FAM13A: variants seen among roughly 807,000 people sequenced by gnomAD.
FAM13A encodes the protein protein FAM13A.
A neutral mutation model predicts 129.6 loss-of-function variants in FAM13A; 76 were observed. The observed-to-expected ratio is 0.59, with a 90% confidence interval of 0.49 to 0.71. The LOEUF (loss-of-function observed/expected upper bound fraction) is 0.71. Among genes scored for constraint, FAM13A ranks in the 30% least tolerant of loss-of-function variants. The probability of loss-of-function intolerance (pLI) is 0.00; values close to 1 mark genes in which losing one functional copy is unlikely to be tolerated. For synonymous variants in FAM13A, 443 were observed against 449.9 expected (o/e 0.98, Z 0.20); for missense variants, 1,108 against 1,249.3 (o/e 0.89, Z 1.70).
chr4:88,768,157 T>C, intron 11 of FAM13A, 98 bp from the exon 12 acceptor site: 5 of 624,136 alleles, frequency 8.0e-6, no homozygotes, highest in Non-Finnish European at 1.1e-5. Flanking sequence ...ATAATATGTA[T>C]ATATAAACTA....
intron 11 of FAM13A, among the ~76,000 whole-genome samples, chr4:88,771,558 T>G (rs952822175): frequency 1.3e-5 from 2 of 152,176 alleles, no homozygotes; most frequent in Non-Finnish European, 1.5e-5. Flanking sequence ...TTTTCATTGA[T>G]TAGAGGTTGA....
At chr4:88,907,842 A>C (rs1748415740) in intron 5 of FAM13A, among the ~76,000 whole-genome samples, 1 of 152,230 alleles carries the variant, frequency 6.6e-6, no homozygotes, top group Non-Finnish European at 1.5e-5. Flanking sequence ...AAGCCAAAAG[A>C]GTTTTGTAAA....
chr4:88,902,739 A>G (rs1243413620), intron 6 of FAM13A, among the ~76,000 whole-genome samples: 1 of 152,078 alleles, frequency 6.6e-6, no homozygotes, highest in Non-Finnish European at 1.5e-5. Flanking sequence ...ATTCAACATA[A>G]TATCAGAAGT....
chr4:88,813,393 G>A (rs1174984899), intron 7 of FAM13A, among the ~76,000 whole-genome samples: 1 of 152,136 alleles, frequency 6.6e-6, no homozygotes, highest in Admixed American at 6.5e-5. Flanking sequence ...GTAAAATACA[G>A]TAACGTTCTT....
At chr4:88,882,475 A>G (rs1282266503) in intron 6 of FAM13A, among the ~76,000 whole-genome samples, 3 of 152,104 alleles carry the variant, frequency 2.0e-5, no homozygotes, top group Non-Finnish European at 2.9e-5. Flanking sequence ...ATGCTGAGAT[A>G]ATTCACCACT....
intron 6 of FAM13A, among the ~76,000 whole-genome samples, chr4:88,892,058 AAGCTATT>A (rs1303664336): frequency 2.0e-5 from 3 of 152,024 alleles, no homozygotes; most frequent in Admixed American, 2.0e-4. Flanking sequence ...CTTGTAGTCT[AAGCTATT>A]CGGGAGTCTG....
At chr4:88,791,889 C>A (rs1465929626) in intron 8 of FAM13A, among the ~76,000 whole-genome samples, 2 of 152,072 alleles carry the variant, frequency 1.3e-5, no homozygotes, top group Non-Finnish European at 2.9e-5. Context: ...ACTACCACCA[C>A]CATCATGTCT....
intron 11 of FAM13A, among the ~76,000 whole-genome samples, chr4:88,777,342 G>T (rs59774315): frequency 0.084 from 12,820 of 152,202 alleles, 951 homozygotes; most frequent in East Asian, 0.31. Flanking sequence ...CTAGAGAAAT[G>T]TGGAAGTGAA....
At chr4:88,778,332 C>G (rs1722166921) in intron 11 of FAM13A, among the ~76,000 whole-genome samples, 3 of 152,160 alleles carry the variant, frequency 2.0e-5, no homozygotes, top group African/African-American at 7.2e-5. Flanking sequence ...CCTGGCTGCT[C>G]AGGACAAAAA....
intron 7 of FAM13A, among the ~76,000 whole-genome samples, chr4:88,844,373 A>C (rs1233871311): frequency 6.6e-6 from 1 of 152,180 alleles, no homozygotes; most frequent in African/African-American, 2.4e-5. Context: ...AATTCACCTA[A>C]CTCAATAAAT....
chr4:88,813,237 C>T (rs1325398085), intron 7 of FAM13A, among the ~76,000 whole-genome samples: 3 of 152,094 alleles, frequency 2.0e-5, no homozygotes, highest in African/African-American at 4.8e-5. Context: ...TTTCACTTCA[C>T]GCCAAACACA....
At chr4:89,023,749 A>G (rs1272427192) in intron 2 of FAM13A, among the ~76,000 whole-genome samples, 1 of 152,212 alleles carries the variant, frequency 6.6e-6, no homozygotes, top group Non-Finnish European at 1.5e-5. Context: ...TCAACTAGGG[A>G]AAGTTTATAA....
Position 88,728,440 on chromosome 4 carries a change from G to A in FAM13A, c.*93C>T. The stretch of plus-strand genomic sequence containing the variant: ...GCAGAAGGGCTGCATGCTTTGCAGG[G>A]CCAGCCCCAAGGCTGCCTTCCAGAG... On this transcript the variant is annotated 3_prime_UTR_variant, in exon 24 of 24. Coordinates refer to ENST00000264344, the MANE Select transcript of FAM13A (RefSeq NM_014883.4). 2 of 1,515,458 alleles carry A rather than the reference G, an allele frequency of 1.3e-6. No homozygotes were observed. The highest frequency in any genetic ancestry group is 9.1e-7 in the Non-Finnish European group (1 of 1,100,106). 93.9% of individuals were successfully genotyped at this position (1,515,458 alleles called of 1,614,324 possible).
intron 19 of FAM13A, among the ~76,000 whole-genome samples, chr4:88,746,222 A>G (rs903531065): frequency 6.6e-6 from 1 of 152,196 alleles, no homozygotes. Flanking sequence ...CTCTGACAAC[A>G]TTATGAACAA....
rs560699954 is a variant in FAM13A, at chr4:88,833,438, AT to A, written c.1007+17581del. ...TTCTGCCTTATTTTGTTCATTAAAC[AT>A]TTTCTTTTGAAAAATCAAAGTATTA... On this transcript the variant is annotated intron_variant, in intron 7 of 23. Transcript: ENST00000264344. Among the ~76,000 whole-genome samples, 382 of 152,276 alleles carry A rather than the reference AT, an allele frequency of 2.5e-3. 1 individual carries two copies. Among genetic ancestry groups the A allele is most frequent in the African/African-American group, 8.6e-3 (359 of 41,562 alleles).
chr4:88,783,184 T>A (rs1723285186), intron 10 of FAM13A, among the ~76,000 whole-genome samples: 1 of 152,192 alleles, frequency 6.6e-6, no homozygotes, highest in Non-Finnish European at 1.5e-5. Context: ...TATTTTTTAT[T>A]CTAATCACCC....
At chr4:88,730,163 G>A (rs184187237) in intron 23 of FAM13A, 2 of 152,150 alleles carry the variant, frequency 1.3e-5, no homozygotes, top group Non-Finnish European at 2.9e-5. Flanking sequence ...GGACTCAAGA[G>A]AAACAATACT....
chr4:88,940,811 AG>A (rs1754632587), intron 4 of FAM13A, among the ~76,000 whole-genome samples: 1 of 152,212 alleles, frequency 6.6e-6, no homozygotes, highest in South Asian at 2.1e-4. Flanking sequence ...GAGATGGAAA[AG>A]GGATTATTTT....
At chr4:88,869,848 C>T (rs1250493371) in intron 6 of FAM13A, among the ~76,000 whole-genome samples, 2 of 152,106 alleles carry the variant, frequency 1.3e-5, no homozygotes, top group South Asian at 2.1e-4. Flanking sequence ...GACATGACTG[C>T]ATGAAAAGAC....
Sources: gnomAD v4.1 joint callset for allele counts (sites outside exome capture counted in the v4.1 genomes callset) on GRCh38, gnomAD v4.1.1 for gene constraint, MANE v1.5 for transcripts, NCBI Gene and HGNC (gene_info 2026-07-23, HGNC 2026-07-21) for gene names.